The following RPL26L1 variants were observed in gnomAD, a reference collection of about 807,000 sequenced individuals.
RPL26L1 encodes the protein ribosomal protein L26 like 1.
In RPL26L1, 8 loss-of-function variants were observed where a neutral mutation model predicts 15.2. That is an observed-to-expected ratio of 0.53 (90% CI 0.31 to 0.95). The LOEUF is 0.95. RPL26L1 is among the 40% of genes least tolerant of loss of function. The pLI, the probability that RPL26L1 is intolerant of heterozygous loss-of-function variation, is 0.05. For missense variants in RPL26L1, 146 were observed against 190.9 expected (o/e 0.76, Z 1.39); for synonymous variants, 51 against 65.9 (o/e 0.77, Z 1.09).
At chr5:172,968,803 C>CTTTTTTTTTTTTTTTTTTTTTTT (rs539398008) in intron 3 of RPL26L1, among the ~76,000 whole-genome samples, 1 of 74,348 alleles carries the variant, frequency 1.3e-5, no homozygotes, top group Non-Finnish European at 2.3e-5. Flanking sequence ...ATGGCTGTGT[C>CTTTTTTTTTTTTTTTTTTTTTTT]TTTTTTTTTT....
At chr5:172,969,334 T>G in intron 3 of RPL26L1, 79 bp from the exon 4 acceptor site, 1 of 1,455,632 alleles carries the variant, frequency 6.9e-7, no homozygotes, top group South Asian at 1.2e-5. Context: ...GCTGAGGTCT[T>G]ACTTAACTTA....
intron 2 of RPL26L1, among the ~76,000 whole-genome samples, chr5:172,962,549 G>T (rs1047308385): frequency 6.6e-6 from 1 of 150,804 alleles, no homozygotes; most frequent in Non-Finnish European, 1.5e-5. Context: ...CAGGCACAGT[G>T]GCTCACGCCT....
intron 2 of RPL26L1, among the ~76,000 whole-genome samples, chr5:172,963,125 C>T (rs1397553828): frequency 6.6e-6 from 1 of 152,024 alleles, no homozygotes; most frequent in Non-Finnish European, 1.5e-5. Context: ...CGCCTGTAAT[C>T]CCGACACTTT....
intron 2 of RPL26L1, among the ~76,000 whole-genome samples, chr5:172,961,050 C>T (rs1755217657): frequency 6.6e-6 from 1 of 152,118 alleles, no homozygotes. Context: ...CCAAATGCTC[C>T]CTGGGGGGCA....
intron 2 of RPL26L1, among the ~76,000 whole-genome samples, chr5:172,962,815 C>CAAAAAAAA (rs56210758): frequency 1.6e-5 from 1 of 61,958 alleles, no homozygotes; most frequent in African/African-American, 6.7e-5. Context: ...GGCTCTGTCT[C>CAAAAAAAA]AAAAAAAAAA....
At chr5:172,963,279 C>T (rs1755313884) in intron 2 of RPL26L1, among the ~76,000 whole-genome samples, 1 of 151,288 alleles carries the variant, frequency 6.6e-6, no homozygotes, top group African/African-American at 2.4e-5. Flanking sequence ...GAGGCTGAGG[C>T]AGGGGAATCG....
intron 2 of RPL26L1, among the ~76,000 whole-genome samples, chr5:172,960,521 G>A (rs751882428): frequency 6.6e-5 from 10 of 152,168 alleles, no homozygotes; most frequent in Non-Finnish European, 1.2e-4. Context: ...AGTGAGAGTA[G>A]TGTTTTAGTG....
upstream of RPL26L1, chr5:172,958,724 G>T (rs999602814): frequency 1.6e-5 from 4 of 244,068 alleles, no homozygotes; most frequent in Admixed American, 1.8e-4. Flanking sequence ...AGTCTTCCAG[G>T]GGTCGGCGAA....
chr5:172,969,053 G>A (rs112813853), intron 3 of RPL26L1, among the ~76,000 whole-genome samples: 3,288 of 151,908 alleles, frequency 0.022, 106 homozygotes, highest in African/African-American at 0.074. Flanking sequence ...TGATCCGCCC[G>A]CCTCGGCTTT....
intron 2 of RPL26L1, among the ~76,000 whole-genome samples, chr5:172,967,320 C>G (rs1390629337): frequency 4.6e-5 from 7 of 152,160 alleles, no homozygotes; most frequent in Non-Finnish European, 8.8e-5. Flanking sequence ...CAAAAATTAG[C>G]CAGGCCTGCT....
rs187865148 is a variant in RPL26L1 at position 172,966,269 on chromosome 5, G to A, written c.169-2190G>A. On this transcript the variant is annotated intron_variant, in intron 2 of 3. Transcript: ENST00000265100. ...AGTGATCCTCCCACCTCAGCCTCCC[G>A]AGTAGCTGGGATCATAGGCGCATGC... Among the ~76,000 whole-genome samples, 34 of 149,394 alleles carry A rather than the reference G, an allele frequency of 2.3e-4. No homozygotes were observed. The East Asian group carries it at 3.9e-3, about 17-fold the overall frequency.
intron 2 of RPL26L1, among the ~76,000 whole-genome samples, chr5:172,962,145 G>A (rs1175994765): frequency 6.6e-6 from 1 of 152,196 alleles, no homozygotes; most frequent in African/African-American, 2.4e-5. Flanking sequence ...AGGCAGCATT[G>A]CAGTTCCCTC....
intron 2 of RPL26L1, among the ~76,000 whole-genome samples, chr5:172,961,439 T>G (rs552018448): frequency 1.3e-5 from 2 of 152,302 alleles, no homozygotes; most frequent in South Asian, 4.2e-4. Flanking sequence ...GCAGGCCCAT[T>G]GTTAGATTCT....
At chr5:172,967,658 C>T (rs1755507177) in intron 2 of RPL26L1, among the ~76,000 whole-genome samples, 1 of 151,906 alleles carries the variant, frequency 6.6e-6, no homozygotes, top group Non-Finnish European at 1.5e-5. Flanking sequence ...AATCAGTCAT[C>T]TGTAATCCTG....
At chr5:172,961,661 C>A (rs1755238250) in intron 2 of RPL26L1, among the ~76,000 whole-genome samples, 1 of 152,218 alleles carries the variant, frequency 6.6e-6, no homozygotes, top group South Asian at 2.1e-4. Flanking sequence ...CTAATAATCC[C>A]TTCGTGACTG....
intron 2 of RPL26L1, among the ~76,000 whole-genome samples, chr5:172,961,787 C>G (rs1347006789): frequency 6.6e-6 from 1 of 152,240 alleles, no homozygotes; most frequent in East Asian, 1.9e-4. Context: ...ACAACTCCCT[C>G]TTTTATATCC....
upstream of RPL26L1, chr5:172,959,301 T>TC: frequency 1.1e-6 from 1 of 938,612 alleles, no homozygotes; most frequent in Non-Finnish European, 1.3e-6. Context: ...GGCATCGCCC[T>TC]CCCGGGGCCG....
At chr5:172,956,482 G>A (rs911650407), upstream of RPL26L1, among the ~76,000 whole-genome samples, 6 of 152,116 alleles carry the variant, frequency 3.9e-5, no homozygotes, top group Admixed American at 3.9e-4. Context: ...GTTATTTAAC[G>A]GACTGAAATG....
At chr5:172,959,314 A>G (rs1362502883), upstream of RPL26L1, 6 of 984,338 alleles carry the variant, frequency 6.1e-6, no homozygotes, top group Non-Finnish European at 4.9e-6. Context: ...CGGGGCCGCC[A>G]GGAATGAGGC....
Sources: gnomAD v4.1 joint callset for allele counts (sites outside exome capture counted in the v4.1 genomes callset) on GRCh38, gnomAD v4.1.1 for gene constraint, MANE v1.5 for transcripts, NCBI Gene and HGNC (gene_info 2026-07-23, HGNC 2026-07-21) for gene names.